Variants in PARP8 observed in about 807,000 individuals in gnomAD.
The protein encoded by PARP8 is protein mono-ADP-ribosyltransferase PARP8.
In PARP8, 51 loss-of-function variants were observed where a neutral mutation model predicts 124.1. That is an observed-to-expected ratio of 0.41 (90% confidence interval 0.33 to 0.52). PARP8 has a LOEUF of 0.52. Among genes scored for constraint, PARP8 ranks in the 20% least tolerant of loss-of-function variants. PARP8 has a pLI of 0.21. For synonymous variants in PARP8, 391 were observed against 361.5 expected (o/e 1.08, Z -0.93); for missense variants, 860 against 1,018.9 (o/e 0.84, Z 2.12).
chr5:50,795,211 A>G lies in PARP8; in HGVS notation c.1222A>G (p.Ser408Gly). The G allele has an allele frequency of 6.2e-7, 1 of 1,614,206 alleles. No individual in the cohort carries two copies. The highest frequency in any genetic ancestry group is 1.1e-5 in the South Asian group (1 of 91,086). The change falls in exon 12 of 26, where the codon AGC becomes GGC. Residue 408 changes from serine to glycine, a missense_variant. Ser to Gly is a moderately conservative substitution (Grantham distance 56, BLOSUM62 0). Around this residue, in one of 2 missense-constraint regions of PARP8, gnomAD observed 517 missense variants for 544.2 expected, o/e 0.95. Coordinates refer to ENST00000281631, the MANE Select transcript of PARP8 (RefSeq NM_024615.4). Reference sequence around the variant, plus strand: ...AAACTTGAAGCCCCATAAACTGTTAAGCAGGTCTTACTCTAGTAATCTCAG... The same window carrying G: ...AAACTTGAAGCCCCATAAACTGTTAGGCAGGTCTTACTCTAGTAATCTCAG... Reference protein sequence around the residue: ...NTNLKPHKLLSRSYSSNLRME... With the variant: ...NTNLKPHKLLGRSYSSNLRME...
intron 2 of PARP8, among the ~76,000 whole-genome samples, chr5:50,737,538 A>G (rs1463357697): frequency 3.3e-5 from 5 of 152,180 alleles, no homozygotes; most frequent in African/African-American, 1.2e-4. Flanking sequence ...CTTAAAAAGA[A>G]CTTCTTCATC....
At chr5:50,830,207 CT>C (rs1442110334) in intron 22 of PARP8, among the ~76,000 whole-genome samples, 1 of 151,956 alleles carries the variant, frequency 6.6e-6, no homozygotes, top group Non-Finnish European at 1.5e-5. Flanking sequence ...ACATTTATTC[CT>C]TCCACAAATG....
intron 3 of PARP8, among the ~76,000 whole-genome samples, chr5:50,756,095 G>C (rs1264244132): frequency 6.6e-6 from 1 of 152,144 alleles, no homozygotes; most frequent in African/African-American, 2.4e-5. Flanking sequence ...AGACGATGGG[G>C]TTTTCTAAAT....
chr5:50,778,662 T>G lies in PARP8; in HGVS notation c.670+12T>G. On this transcript the variant is annotated intron_variant, in intron 9 of 25. Coordinates refer to ENST00000281631, the MANE Select transcript of PARP8 (RefSeq NM_024615.4). ...TTTAAATGGCCCAGGTTAGTTTTAT[T>G]TCTTTATTTATTATTTTGAATATTA... 1 of 1,541,104 alleles carries G rather than the reference T, an allele frequency of 6.5e-7. No individual in the cohort carries two copies. The highest frequency in any genetic ancestry group is 8.8e-7 in the Non-Finnish European group (1 of 1,133,562).
intron 2 of PARP8, among the ~76,000 whole-genome samples, chr5:50,714,842 C>T (rs1755136919): frequency 6.6e-6 from 1 of 152,012 alleles, no homozygotes; most frequent in South Asian, 2.1e-4. Context: ...TTAAGGCAGC[C>T]ACTGCTTCTG....
At chr5:50,818,092 G>T (rs1745304922) in intron 15 of PARP8, among the ~76,000 whole-genome samples, 2 of 150,168 alleles carry the variant, frequency 1.3e-5, no homozygotes, top group African/African-American at 4.9e-5. Context: ...GTAACTTGTT[G>T]TCCATAGCAT....
Position 50,827,930 on chromosome 5 carries a change from A to G in PARP8, c.1978-14A>G. On this transcript the variant is annotated splice_polypyrimidine_tract_variant and intron_variant, in intron 19 of 25. Coordinates refer to ENST00000281631, the MANE Select transcript of PARP8 (RefSeq NM_024615.4). ...GTTTTACATGTTTTTGTTTGTCTTT[A>G]TCTTAAATGGCAGCAATTGAAGTTT... is the stretch of plus-strand genomic sequence containing the variant. The G allele has an allele frequency of 1.3e-6, 2 of 1,559,874 alleles. No homozygotes were observed. The highest frequency in any genetic ancestry group is 1.8e-6 in the Non-Finnish European group (2 of 1,131,948).
intron 22 of PARP8, among the ~76,000 whole-genome samples, chr5:50,830,310 A>G (rs1161852483): frequency 6.6e-6 from 1 of 152,166 alleles, no homozygotes; most frequent in Non-Finnish European, 1.5e-5. Flanking sequence ...ATATCATGCT[A>G]ATTTCTTATC....
intron 2 of PARP8, among the ~76,000 whole-genome samples, chr5:50,749,926 A>T (rs1259961913): frequency 3.9e-5 from 6 of 152,142 alleles, no homozygotes; most frequent in Non-Finnish European, 7.4e-5. Flanking sequence ...ATATTTCAAA[A>T]CTGTTAGACT....
Position 50,842,152 on chromosome 5 carries a change from TTTA to T in PARP8, c.*87_*89del. 2 of 921,970 alleles carry T rather than the reference TTTA, an allele frequency of 2.2e-6. No individual in the cohort carries two copies. Among genetic ancestry groups the T allele is most frequent in the Non-Finnish European group, 3.3e-6 (2 of 611,058 alleles). 57.1% of individuals were successfully genotyped at this position (921,970 alleles called of 1,614,324 possible). On this transcript the variant is annotated 3_prime_UTR_variant, in exon 26 of 26. Transcript: ENST00000281631. The stretch of plus-strand genomic sequence containing the variant: ...TGAACTGAAGAAGATTATAAAATTA[TTTA>T]TTGTTATTATAAACAAAATTAACCC...
At chr5:50,754,150 T>TATATATATATATACACACAC (rs1312947286) in intron 3 of PARP8, among the ~76,000 whole-genome samples, 2 of 37,188 alleles carry the variant, frequency 5.4e-5, no homozygotes, top group African/African-American at 2.4e-4. Flanking sequence ...TATATATATA[T>TATATATATATATACACACAC]ACACACACAC....
chr5:50,733,668 ATTG>A (rs556188306), intron 2 of PARP8, among the ~76,000 whole-genome samples: 211 of 152,282 alleles, frequency 1.4e-3, no homozygotes, highest in African/African-American at 5.0e-3. Flanking sequence ...AAACCTCACA[ATTG>A]TTGTATTAAA....
intron 14 of PARP8, among the ~76,000 whole-genome samples, chr5:50,798,985 A>G (rs1007984618): frequency 6.6e-6 from 1 of 152,170 alleles, no homozygotes; most frequent in African/African-American, 2.4e-5. Context: ...TTTACCACAT[A>G]TATGATTTGC....
chr5:50,839,164 C>T (rs1349724620), intron 25 of PARP8, among the ~76,000 whole-genome samples: 5 of 151,964 alleles, frequency 3.3e-5, no homozygotes, highest in Non-Finnish European at 7.4e-5. Context: ...CATCTAATTT[C>T]CTAGTTTCTA....
chr5:50,729,611 C>A (rs1756775160), intron 2 of PARP8, among the ~76,000 whole-genome samples: 1 of 152,070 alleles, frequency 6.6e-6, no homozygotes, highest in Non-Finnish European at 1.5e-5. Flanking sequence ...TTTTGTTTTT[C>A]TTGCCGTTCA....
At chr5:50,794,363 A>G (rs747644526) in intron 11 of PARP8, 31 bp downstream of exon 11, 11 of 1,608,598 alleles carry the variant, frequency 6.8e-6, no homozygotes, top group South Asian at 2.2e-5. Flanking sequence ...TCATTGTCTT[A>G]CTGAATGCTG....
At position 50,666,687 on chromosome 5, in the gene PARP8, C is replaced by CG. The variant is rs1023495962; in HGVS notation, c.-405dup. Reference sequence around the variant, plus strand: ...AGGGGTGTGCGCGCGTGAGCCGGAGCGGGGCTCGCCCCTCGCCGGCGCCCG... The same window carrying CG: ...AGGGGTGTGCGCGCGTGAGCCGGAGCGGGGGCTCGCCCCTCGCCGGCGCCCG... On this transcript the variant is annotated 5_prime_UTR_variant, in exon 1 of 26. Transcript: ENST00000281631. The CG allele has an allele frequency of 2.2e-5, 4 of 183,948 alleles. No homozygotes were observed. Among genetic ancestry groups the CG allele is most frequent in the African/African-American group, 7.2e-5 (3 of 41,730 alleles). 11.4% of individuals were successfully genotyped at this position (183,948 alleles called of 1,614,324 possible). A position where few individuals can be genotyped will look rare whatever the true frequency, so the allele number is the denominator to read the frequency against.
chr5:50,721,535 A>G (rs7710239), intron 2 of PARP8, among the ~76,000 whole-genome samples: 3,543 of 152,156 alleles, frequency 0.023, 139 homozygotes, highest in African/African-American at 0.081. Flanking sequence ...TCTTAATTCC[A>G]AAAGTCAAGG....
intron 9 of PARP8, among the ~76,000 whole-genome samples, chr5:50,780,666 T>C (rs886177777): frequency 1.3e-5 from 2 of 152,208 alleles, no homozygotes; most frequent in African/African-American, 4.8e-5. Context: ...TTCATCTGTA[T>C]TGGTTGATTC....
Sources: gnomAD v4.1 joint callset for allele counts (sites outside exome capture counted in the v4.1 genomes callset) on GRCh38, gnomAD v4.1.1 for gene constraint, gnomAD v4.1.1 regional missense constraint, MANE v1.5 for transcripts, NCBI Gene and HGNC (gene_info 2026-07-23, HGNC 2026-07-21) for gene names.